ZNF100: variants seen among roughly 807,000 people sequenced by gnomAD.
The protein encoded by ZNF100 is zinc finger protein 100.
A neutral mutation model predicts 15.8 loss-of-function variants in ZNF100; 12 were observed. The ratio of observed to expected loss-of-function variants is 0.76; its 90% CI spans 0.49 to 1.23. ZNF100 has a LOEUF of 1.23. ZNF100 is among the 50% of genes most tolerant of loss of function. The pLI is 0.00. For synonymous variants in ZNF100, 226 were observed against 214.8 expected (o/e 1.05, Z -0.45); for missense variants, 670 against 635.6 (o/e 1.05, Z -0.58).
intron 2 of ZNF100, chr19:21,751,133 C>G: frequency 2.8e-6 from 4 of 1,403,944 alleles, no homozygotes; most frequent in African/African-American, 1.4e-5. Context: ...AAATCTCAAA[C>G]CGATGTGCGA....
At position 21,724,117 on chromosome 19, in the gene ZNF100, T is replaced by C. The variant is rs1378975865; in HGVS notation, c.*2566A>G. 6.6e-6 allele frequency: 1 copy of C among 152,134 alleles called. No homozygotes were observed. Among genetic ancestry groups the C allele is most frequent in the Non-Finnish European group, 1.5e-5 (1 of 67,992 alleles). The allele number at this position is 152,134 out of a possible 1,614,324, so 9.4% of individuals were successfully genotyped here. A position where few individuals can be genotyped will look rare whatever the true frequency, so the allele number is the denominator to read the frequency against. On this transcript the variant is annotated 3_prime_UTR_variant, in exon 5 of 5. Transcript: ENST00000358296. ...GGGTCTATCATGAGTACCAGGCAAG[T>C]ATAAACAGAATTTTCATGGGGAGAT...
intron 4 of ZNF100, among the ~76,000 whole-genome samples, chr19:21,742,023 G>A (rs1033334674): frequency 1.8e-4 from 27 of 152,012 alleles, no homozygotes; most frequent in Admixed American, 7.9e-4. Context: ...TAGGCTGGGC[G>A]CGGTGGCCCA....
At position 21,744,102 on chromosome 19, in the gene ZNF100, G is replaced by A. The variant is rs201028113; in HGVS notation, c.237C>T (p.Leu79=). The change falls in exon 4 of 5, where the codon CTC becomes CTT. Residue 79 remains leucine (L), a synonymous_variant. Transcript: ENST00000358296. Reference sequence around the variant, plus strand: ...GACAGGTGATCAGGTCTGGCTTAGTGAGAGCAATACCTGCTTTATTAGAAA... The same window carrying A: ...GACAGGTGATCAGGTCTGGCTTAGTAAGAGCAATACCTGCTTTATTAGAAA... ...RNLVFLAGIA[L]TKPDLITCLE... The A allele has an allele frequency of 1.4e-3, 2,279 of 1,608,300 alleles. 9 individuals are homozygous for A. Among genetic ancestry groups the A allele is most frequent in the Middle Eastern group, 0.01 (61 of 6,030 alleles).
intron 1 of ZNF100, among the ~76,000 whole-genome samples, chr19:21,767,075 G>A (rs1308899272): frequency 6.6e-6 from 1 of 152,182 alleles, no homozygotes; most frequent in African/African-American, 2.4e-5. Flanking sequence ...GAAAGCCACG[G>A]ACCAAAGATC....
intron 2 of ZNF100, among the ~76,000 whole-genome samples, chr19:21,763,850 G>A (rs1951664126): frequency 6.6e-6 from 1 of 151,994 alleles, no homozygotes; most frequent in South Asian, 2.1e-4. Context: ...GCCTAAACTT[G>A]GCAATTCTTA....
At chr19:21,763,232 C>G (rs1483783059) in intron 2 of ZNF100, among the ~76,000 whole-genome samples, 1 of 152,096 alleles carries the variant, frequency 6.6e-6, no homozygotes, top group Non-Finnish European at 1.5e-5. Context: ...TCCAAGGACC[C>G]TCTCTTGGGG....
intron 4 of ZNF100, among the ~76,000 whole-genome samples, chr19:21,742,914 TA>T (rs897029890): frequency 2.7e-5 from 4 of 150,306 alleles, no homozygotes; most frequent in South Asian, 2.1e-4. Context: ...ACCAAGAAGG[TA>T]AAAAAAATCT....
chr19:21,751,222 T>G lies in ZNF100; in HGVS notation c.97-6155A>C, dbSNP rs1303972294. 1.1e-5 allele frequency: 14 copies of G among 1,294,138 alleles called. No individual in the cohort carries two copies. The Admixed American group carries it at 2.2e-4, about 20-fold the overall frequency. 80.2% of individuals were successfully genotyped at this position (1,294,138 alleles called of 1,614,324 possible). On this transcript the variant is annotated intron_variant, in intron 2 of 4. Transcript: ENST00000358296. Reference sequence around the variant, plus strand: ...AAAGTATAGCTCATGCTCAACAATATTTCTAGGTGACAGAACAGTCAGCCA... The same window carrying G: ...AAAGTATAGCTCATGCTCAACAATAGTTCTAGGTGACAGAACAGTCAGCCA...
chr19:21,751,679 C>A, intron 2 of ZNF100: 1 of 1,268,302 alleles, frequency 7.9e-7, no homozygotes, highest in Non-Finnish European at 1.1e-6. Context: ...TTCGGAGCTT[C>A]TTCAGTTTAA....
At chr19:21,738,215 C>A (rs2036042466) in intron 4 of ZNF100, among the ~76,000 whole-genome samples, 1 of 115,420 alleles carries the variant, frequency 8.7e-6, no homozygotes, top group Non-Finnish European at 1.6e-5. Context: ...GGTGCCACTG[C>A]AGTCCAGCCT....
chr19:21,727,493 G>A lies in ZNF100; in HGVS notation c.819C>T (p.Ser273=), dbSNP rs766540094. The A allele has an allele frequency of 1.4e-5, 22 of 1,613,326 alleles. No homozygotes were observed. Among genetic ancestry groups the A allele is most frequent in the Non-Finnish European group, 1.9e-5 (22 of 1,179,688 alleles). ...CEECGKAFNR[S]SHLTTHKIIH... ...TTATCTTATGTGTAGTAAGGTGTGAGGACCGGTTAAATGCTTTCCCACATT... is the reference window on the plus strand; with the variant it reads ...TTATCTTATGTGTAGTAAGGTGTGAAGACCGGTTAAATGCTTTCCCACATT... The change falls in exon 5 of 5, where the codon TCC becomes TCT. Residue 273 remains serine (S), a synonymous_variant. Transcript: ENST00000358296.
chr19:21,754,375 T>C (rs1963922593), intron 2 of ZNF100, among the ~76,000 whole-genome samples: 1 of 152,206 alleles, frequency 6.6e-6, no homozygotes, highest in African/African-American at 2.4e-5. Flanking sequence ...TAATAAACTC[T>C]TTTAATTAAA....
rs950742991 is a variant in ZNF100 at position 21,723,517 on chromosome 19, T to C, written c.*3166A>G. 2.0e-5 allele frequency: 3 copies of C among 152,106 alleles called. No individual in the cohort carries two copies. The highest frequency in any genetic ancestry group is 7.2e-5 in the African/African-American group (3 of 41,426). The allele number at this position is 152,106 out of a possible 1,614,324, so 9.4% of individuals were successfully genotyped here. ...CTGCATACATAGCTGGGGATACACA[T>C]AATAAATACAGAGAAATCTGAAGAT... On this transcript the variant is annotated 3_prime_UTR_variant, in exon 5 of 5. Transcript: ENST00000358296.
At chr19:21,753,374 G>C (rs2036341732) in intron 2 of ZNF100, 1 of 152,134 alleles carries the variant, frequency 6.6e-6, no homozygotes, top group African/African-American at 2.4e-5. Context: ...AGCAGTTCAA[G>C]ACCAGTCTAG....
chr19:21,758,305 GA>G (rs112486890), intron 2 of ZNF100, among the ~76,000 whole-genome samples: 13,583 of 152,118 alleles, frequency 0.089, 795 homozygotes, highest in South Asian at 0.18. Context: ...AAGAGGATCA[GA>G]AAAAAATACC....
intron 4 of ZNF100, among the ~76,000 whole-genome samples, chr19:21,737,858 C>T (rs2036036092): frequency 6.6e-6 from 1 of 152,156 alleles, no homozygotes; most frequent in African/African-American, 2.4e-5. Context: ...AAAGTAGGAA[C>T]TCCTCCCTCA....
intron 4 of ZNF100, among the ~76,000 whole-genome samples, chr19:21,729,862 GA>G (rs1438937181): frequency 6.6e-6 from 1 of 151,492 alleles, no homozygotes; most frequent in African/African-American, 2.4e-5. Context: ...GAAGTAATGA[GA>G]AAAAAAATGT....
intron 4 of ZNF100, among the ~76,000 whole-genome samples, chr19:21,733,876 C>A (rs565616345): frequency 1.3e-5 from 2 of 152,394 alleles, no homozygotes; most frequent in East Asian, 3.9e-4. Context: ...GTTCTCTCTG[C>A]TGTTCTACAC....
chr19:21,730,812 C>A (rs75204354), intron 4 of ZNF100, among the ~76,000 whole-genome samples: 6,622 of 151,962 alleles, frequency 0.044, 276 homozygotes, highest in East Asian at 0.19. Flanking sequence ...ATTACATGAA[C>A]AAAATGGGAG....
Sources: gnomAD v4.1 joint callset for allele counts (sites outside exome capture counted in the v4.1 genomes callset) on GRCh38, gnomAD v4.1.1 for gene constraint, MANE v1.5 for transcripts, NCBI Gene and HGNC (gene_info 2026-07-23, HGNC 2026-07-21) for gene names.